Variants in FGFRL1 observed in about 807,000 individuals in gnomAD.
FGFRL1 encodes fibroblast growth factor receptor like 1.
FGFRL1 carries 24 observed loss-of-function variants against 36.8 expected under a neutral mutation model. That is an observed-to-expected ratio of 0.65 (90% confidence interval 0.47 to 0.92). FGFRL1 has a LOEUF of 0.92. FGFRL1 is among the 40% of genes least tolerant of loss of function. The pLI, the probability that FGFRL1 is intolerant of heterozygous loss-of-function variation, is 0.00. For missense variants in FGFRL1, 785 were observed against 753.4 expected, an observed-to-expected ratio of 1.04 and a Z score of -0.49; for synonymous variants, 422 against 344.1, an observed-to-expected ratio of 1.23 and a Z score of -2.50.
Position 1,025,452 on chromosome 4 carries a change from G to A in FGFRL1, c.*105G>A, listed in dbSNP as rs1042663356. The stretch of plus-strand genomic sequence containing the variant: ...AAGGCAGGGGACCCATGGCGAGGAG[G>A]AATGGCCAGCACCCCAGGCAGTCTG... On this transcript the variant is annotated 3_prime_UTR_variant, in exon 7 of 7. Coordinates refer to ENST00000510644, the MANE Select transcript of FGFRL1 (RefSeq NM_001004356.3). 2.2e-6 allele frequency: 3 copies of A among 1,380,876 alleles called. No homozygotes were observed. The highest frequency in any genetic ancestry group is 2.9e-5 in the African/African-American group (2 of 69,496). 85.5% of individuals were successfully genotyped at this position (1,380,876 alleles called of 1,614,324 possible). A position where few individuals can be genotyped will look rare whatever the true frequency, so the allele number is the denominator to read the frequency against.
chr4:1,023,554 G>A lies in FGFRL1; in HGVS notation c.353-87G>A, dbSNP rs1012239861. ...GTCCAGGGCTGTCCCGGCTGGGGCT[G>A]GGGGAGCTAGAGGCCACGGGGGAGT... On this transcript the variant is annotated intron_variant, in intron 3 of 6. Coordinates refer to ENST00000510644, the MANE Select transcript of FGFRL1 (RefSeq NM_001004356.3). This position sits in a 1 kb window ranked among gnomAD's most constrained non-coding sequence, Gnocchi z 6.0. 2 of 1,243,006 alleles carry A rather than the reference G, an allele frequency of 1.6e-6. No homozygotes were observed. The highest frequency in any genetic ancestry group is 1.5e-5 in the African/African-American group (1 of 66,976). The allele number at this position is 1,243,006 out of a possible 1,614,324, so 77.0% of individuals were successfully genotyped here.
At chr4:1,018,371 G>A (rs559304166) in intron 2 of FGFRL1, among the ~76,000 whole-genome samples, 7 of 152,230 alleles carry the variant, frequency 4.6e-5, no homozygotes, top group African/African-American at 1.4e-4. Context: ...GGGGGGCGGC[G>A]GGAGGATTTG....
At chr4:1,024,264 A>T in intron 5 of FGFRL1, 47 bp from the exon 6 acceptor site, 1 of 1,533,308 alleles carries the variant, frequency 6.5e-7, no homozygotes, top group Non-Finnish European at 8.8e-7. Context: ...GGCGGGGTAG[A>T]GTCCGGCGCG....
intron 2 of FGFRL1, among the ~76,000 whole-genome samples, chr4:1,016,023 A>G (rs1469535786): frequency 6.6e-6 from 1 of 151,896 alleles, no homozygotes; most frequent in Non-Finnish European, 1.5e-5. Flanking sequence ...GCTGCAGCGG[A>G]CAGGCCCGGT....
Position 1,024,950 on chromosome 4 carries a change from C to A in FGFRL1, c.1118C>A (p.Thr373Asn), listed in dbSNP as rs1227911872. The A allele has an allele frequency of 6.2e-7, 1 of 1,605,898 alleles. No individual in the cohort carries two copies. Among genetic ancestry groups the A allele is most frequent in the Non-Finnish European group, 8.5e-7 (1 of 1,178,206 alleles). The change falls in exon 7 of 7, where the codon ACT (threonine) becomes AAT (asparagine). Residue 373 changes from threonine (T) to asparagine (N), a missense_variant. Transcript: ENST00000510644. ...GPPVASSSSA[T>N]SLPWPVVIGI... Reference sequence around the variant, plus strand: ...CCTGTGGCCTCCTCGTCCTCGGCCACTAGCCTGCCGTGGCCCGTGGTCATC... The same window carrying A: ...CCTGTGGCCTCCTCGTCCTCGGCCAATAGCCTGCCGTGGCCCGTGGTCATC...
chr4:1,024,812 C>T (rs1716414376), intron 6 of FGFRL1, 93 bp from the exon 7 acceptor site: 1 of 1,413,848 alleles, frequency 7.1e-7, no homozygotes, highest in Non-Finnish European at 9.5e-7. Context: ...CCCAGGGGCA[C>T]CGTCTCCACA....
chr4:1,014,874 G>C (rs1339529554), intron 2 of FGFRL1, among the ~76,000 whole-genome samples: 2 of 152,230 alleles, frequency 1.3e-5, no homozygotes. Flanking sequence ...CCCTTGGGGG[G>C]AGGGAGGGAG....
intron 1 of FGFRL1, 60 bp from the exon 2 acceptor site, chr4:1,012,410 C>T (rs1477155301): frequency 1.9e-6 from 3 of 1,556,800 alleles, no homozygotes; most frequent in African/African-American, 1.4e-5. Flanking sequence ...CGGCCCGGGA[C>T]CGGGGAGGGC....
chr4:1,016,440 A>G (rs1025567865), intron 2 of FGFRL1, among the ~76,000 whole-genome samples: 2 of 152,066 alleles, frequency 1.3e-5, no homozygotes, highest in Non-Finnish European at 2.9e-5. Context: ...TTAGTGCTGT[A>G]CAAGGTTCTC....
rs1553919853 is a variant in FGFRL1, at chr4:1,024,337, A to G, written c.745A>G (p.Thr249Ala). Residue 249 changes from threonine to alanine, a missense_variant, in exon 6 of 7, where the codon ACA becomes GCA. Transcript: ENST00000510644. ...GCGGACCCGTTCCAAGCCCGTGCTC[A>G]CAGGCACGCACCCCGTGAACACGAC... ...IQRTRSKPVLTGTHPVNTTVD... is the reference protein window; with the variant it reads ...IQRTRSKPVLAGTHPVNTTVD... 1.2e-6 allele frequency: 2 copies of G among 1,607,936 alleles called. No individual in the cohort carries two copies. The highest frequency in any genetic ancestry group is 1.7e-6 in the Non-Finnish European group (2 of 1,176,690).
Position 1,026,375 on chromosome 4 carries a change from T to C in FGFRL1, c.*1028T>C, listed in dbSNP as rs1417528481. The C allele has an allele frequency of 6.7e-6, 1 of 149,638 alleles. No homozygotes were observed. Among genetic ancestry groups the C allele is most frequent in the Non-Finnish European group, 1.5e-5 (1 of 67,406 alleles). 9.3% of individuals were successfully genotyped at this position (149,638 alleles called of 1,614,324 possible). On this transcript the variant is annotated 3_prime_UTR_variant, in exon 7 of 7. Transcript: ENST00000510644. ...TGCAGTACGTGTGCCGTGAGGCTCA[T>C]AGTTGATGAGGGACTTTCCCTGCTC...
chr4:1,024,927 T>C lies in FGFRL1; in HGVS notation c.1095T>C (p.Pro365=). 3.8e-6 allele frequency: 6 copies of C among 1,599,602 alleles called. No individual in the cohort carries two copies. Among genetic ancestry groups the C allele is most frequent in the Non-Finnish European group, 4.3e-6 (5 of 1,176,116 alleles). ...CAGACCCAAAACCGCCAGGGCCACC[T>C]GTGGCCTCCTCGTCCTCGGCCACTA... The part of the protein sequence containing the change: ...VLPDPKPPGP[P]VASSSSATSL... The change falls in exon 7 of 7, where the codon CCT becomes CCC. Residue 365 remains proline, a synonymous_variant. Coordinates refer to ENST00000510644, the MANE Select transcript of FGFRL1 (RefSeq NM_001004356.3).
At position 1,022,449 on chromosome 4, in the gene FGFRL1, G is replaced by A. The variant is rs746021134; in HGVS notation, c.326G>A (p.Ser109Asn). ...GCCACCAACGGCTTCGGCAGCCTGA[G>A]CGTCAACTACACCCTCGTCGTGCTG... ...CKATNGFGSL[S>N]VNYTLVVLDD... The change falls in exon 3 of 7, where the codon AGC becomes AAC. Residue 109 changes from serine to asparagine, a missense_variant. By Grantham distance (46) the Ser-to-Asn change is conservative (BLOSUM62 1). Coordinates refer to ENST00000510644, the MANE Select transcript of FGFRL1 (RefSeq NM_001004356.3). The A allele has an allele frequency of 4.5e-5, 73 of 1,608,646 alleles. No homozygotes were observed. Among genetic ancestry groups the A allele is most frequent in the Non-Finnish European group, 5.9e-5 (69 of 1,177,638 alleles).
At chr4:1,022,707 G>A (rs934321754) in intron 3 of FGFRL1, among the ~76,000 whole-genome samples, 19 of 152,254 alleles carry the variant, frequency 1.2e-4, no homozygotes, top group African/African-American at 3.9e-4. Flanking sequence ...TCCTCCCAGC[G>A]GAGGGCGGAG....
In FGFRL1 at chr4:1,022,354, C is replaced by T; in HGVS notation, c.231C>T (p.Phe77=). ...CCATCCACAGCGGCTGGAGCCGCTT[C>T]CGCGTGCTGCCGCAGGGGCTGAAGG... ...GRTIHSGWSR[F]RVLPQGLKVK... The change falls in exon 3 of 7, where the codon TTC becomes TTT. Residue 77 remains phenylalanine, a synonymous_variant. Transcript: ENST00000510644. 5.6e-6 allele frequency: 9 copies of T among 1,607,498 alleles called. No homozygotes were observed. Among genetic ancestry groups the T allele is most frequent in the Non-Finnish European group, 5.9e-6 (7 of 1,177,922 alleles).
intron 2 of FGFRL1, among the ~76,000 whole-genome samples, chr4:1,015,619 C>T (rs535813911): frequency 6.6e-6 from 1 of 152,356 alleles, no homozygotes; most frequent in African/African-American, 2.4e-5. Flanking sequence ...TGCTGCCCAT[C>T]TTGGCAGAAG....
intron 2 of FGFRL1, among the ~76,000 whole-genome samples, chr4:1,021,695 G>C (rs1716189302): frequency 6.6e-6 from 1 of 152,164 alleles, no homozygotes. Flanking sequence ...GCCCTGGGCT[G>C]ATGGTTGGGT....
chr4:1,011,368 C>T (rs1577551721), upstream of FGFRL1: 7 of 72,250 alleles, frequency 9.7e-5, no homozygotes, highest in South Asian at 3.0e-3. Context: ...CGGGCGGGGC[C>T]GGGGGCGCGG....
At chr4:1,024,138 C>A in intron 5 of FGFRL1, 37 bp downstream of exon 5, 1 of 1,197,760 alleles carries the variant, frequency 8.3e-7, no homozygotes, top group Non-Finnish European at 1.1e-6. Context: ...GCGGGGGGTG[C>A]TGGTGGGCGG....
Sources: allele counts gnomAD v4.1 joint callset (sites outside exome capture counted in the v4.1 genomes callset), GRCh38; gene constraint gnomAD v4.1.1; non-coding constraint Gnocchi (gnomAD v3.1); transcripts MANE v1.5; gene names NCBI Gene and HGNC (gene_info 2026-07-23, HGNC 2026-07-21).